The following MALT1 variants were observed in gnomAD, a reference collection of about 807,000 sequenced individuals.
The protein encoded by MALT1 is MALT1 paracaspase.
A neutral mutation model predicts 85.5 loss-of-function variants in MALT1; 36 were observed. The ratio of observed to expected loss-of-function variants is 0.42; its 90% confidence interval spans 0.32 to 0.56. The LOEUF (loss-of-function observed/expected upper bound fraction) is 0.56, where lower values mean the gene tolerates loss of function less well. Ranked by LOEUF, MALT1 falls within the 20% of genes least tolerant of loss-of-function variation. The pLI is 0.10. For missense variants in MALT1, 716 were observed against 981.6 expected (o/e 0.73, Z 3.62); for synonymous variants, 359 against 361.3 (o/e 0.99, Z 0.07).
intron 2 of MALT1, among the ~76,000 whole-genome samples, chr18:58,692,451 T>TCTCTCTCTCTCTCTCC: frequency 8.9e-6 from 1 of 111,926 alleles, no homozygotes; most frequent in South Asian, 3.5e-4. Context: ...TCTCCCTCCC[T>TCTCTCTCTCTCTCTCC]CCCTCCCTCC....
intron 4 of MALT1, among the ~76,000 whole-genome samples, chr18:58,708,562 G>A (rs1027731876): frequency 3.3e-5 from 5 of 152,214 alleles, no homozygotes. Context: ...AGACATTTGT[G>A]TGGGGTGGGA....
At chr18:58,717,898 A>C (rs960477860) in intron 9 of MALT1, among the ~76,000 whole-genome samples, 1 of 149,574 alleles carries the variant, frequency 6.7e-6, no homozygotes, top group South Asian at 2.1e-4. Context: ...GAACAAAGGC[A>C]TAGCCATCAT....
rs2055431461 is a variant in MALT1 at position 58,750,428 on chromosome 18, G to A, written c.*2586G>A. On this transcript the variant is annotated 3_prime_UTR_variant, in exon 17 of 17. Coordinates refer to ENST00000649217, the MANE Select transcript of MALT1 (RefSeq NM_006785.4). ...GTAAAATTGGTAGGGAAACGCAGGG[G>A]ACCCAGAATAGCCAAAAAACCTTGG... The A allele has an allele frequency of 6.6e-6, 1 of 152,190 alleles. No individual in the cohort carries two copies. The highest frequency in any genetic ancestry group is 1.5e-5 in the Non-Finnish European group (1 of 68,080). 9.4% of individuals were successfully genotyped at this position (152,190 alleles called of 1,614,324 possible).
At chr18:58,745,878 T>G (rs1241284345) in intron 16 of MALT1, 87 bp downstream of exon 16, 137 of 1,231,770 alleles carry the variant, frequency 1.1e-4, no homozygotes, top group Non-Finnish European at 1.6e-4. Context: ...ATATGCTGCC[T>G]TATTATTAAA....
At chr18:58,717,089 T>C (rs1201639270) in intron 9 of MALT1, among the ~76,000 whole-genome samples, 3 of 152,168 alleles carry the variant, frequency 2.0e-5, no homozygotes, top group Non-Finnish European at 4.4e-5. Flanking sequence ...AGGCTGGGCA[T>C]GGTGGCTCAC....
chr18:58,723,965 A>G (rs1449737610), intron 10 of MALT1, among the ~76,000 whole-genome samples: 1 of 152,168 alleles, frequency 6.6e-6, no homozygotes, highest in African/African-American at 2.4e-5. Context: ...CCAGCTGTTG[A>G]GCTCATCTGA....
Position 58,684,783 on chromosome 18 carries a change from T to C in MALT1, c.376+3447T>C, listed in dbSNP as rs1317873916. 2.6e-5 allele frequency among the ~76,000 whole-genome samples: 4 copies of C among 152,290 alleles called. No homozygotes were observed. The East Asian group carries it at 7.7e-4, about 29-fold the overall frequency. The stretch of plus-strand genomic sequence containing the variant: ...TTATAGATAGTAGAATAAAGAAATA[T>C]AAGAATTACAGAGAAGAATTTTAAT... On this transcript the variant is annotated intron_variant, in intron 2 of 16. Transcript: ENST00000649217.
intron 16 of MALT1, among the ~76,000 whole-genome samples, chr18:58,746,852 C>T (rs576903417): frequency 2.6e-5 from 4 of 152,138 alleles, no homozygotes; most frequent in East Asian, 3.9e-4. Context: ...CTCAGCCTCC[C>T]GAGTAGCCAG....
At position 58,735,185 on chromosome 18, in the gene MALT1, C is replaced by A; in HGVS notation, c.1476-17C>A. The A allele has an allele frequency of 6.3e-7, 1 of 1,597,544 alleles. No individual in the cohort carries two copies. Among genetic ancestry groups the A allele is most frequent in the African/African-American group, 1.4e-5 (1 of 73,802 alleles). ...TGCCTTTCTGTGCCTGGCTTAACTT[C>A]TTTTTCTATTTTTAAGGTGTCAAGG... On this transcript the variant is annotated splice_polypyrimidine_tract_variant and intron_variant, in intron 12 of 16. Coordinates refer to ENST00000649217, the MANE Select transcript of MALT1 (RefSeq NM_006785.4).
At chr18:58,696,336 AAT>A in intron 2 of MALT1, 28 bp from the exon 3 acceptor site, 11 of 1,166,864 alleles carry the variant, frequency 9.4e-6, no homozygotes, top group Admixed American at 3.6e-5. Context: ...TTGTGACTTT[AAT>A]TTTTTTTTTT....
chr18:58,735,469 T>C, intron 13 of MALT1, 140 bp downstream of exon 13: 1 of 786,788 alleles, frequency 1.3e-6, no homozygotes, highest in Non-Finnish European at 1.9e-6. Flanking sequence ...AAACAATTTT[T>C]ATATTAATAT....
chr18:58,673,094 A>G (rs2054189968), intron 1 of MALT1, among the ~76,000 whole-genome samples: 1 of 152,200 alleles, frequency 6.6e-6, no homozygotes, highest in Non-Finnish European at 1.5e-5. Flanking sequence ...ATTTGTACAC[A>G]TCTTTATAAA....
rs1204784929 is a variant in MALT1, at chr18:58,750,139, T to G, written c.*2297T>G. Reference sequence around the variant, plus strand: ...AAAGTAATAAATGAGTTCAACAGGTTGCAGGATACAAGATCAGTTTTATTT... The same window carrying G: ...AAAGTAATAAATGAGTTCAACAGGTGGCAGGATACAAGATCAGTTTTATTT... On this transcript the variant is annotated 3_prime_UTR_variant, in exon 17 of 17. Transcript: ENST00000649217. The G allele has an allele frequency of 5.5e-6, 1 of 181,544 alleles. No homozygotes were observed. Among genetic ancestry groups the G allele is most frequent in the Admixed American group, 6.3e-5 (1 of 15,958 alleles). 11.2% of individuals were successfully genotyped at this position (181,544 alleles called of 1,614,324 possible).
At chr18:58,714,784 CAA>C (rs2054877474) in intron 8 of MALT1, among the ~76,000 whole-genome samples, 1 of 126,514 alleles carries the variant, frequency 7.9e-6, no homozygotes, top group Non-Finnish European at 1.9e-5. Flanking sequence ...TTCTGAAAGA[CAA>C]TGATGGAACC....
chr18:58,691,159 G>A (rs752905730), intron 2 of MALT1: 56 of 247,876 alleles, frequency 2.3e-4, no homozygotes, highest in Non-Finnish European at 3.5e-4. Context: ...TCATGTTCTC[G>A]AGGCCTTCTG....
At chr18:58,711,197 CAAAGT>C (rs2054826589) in intron 7 of MALT1, among the ~76,000 whole-genome samples, 1 of 152,106 alleles carries the variant, frequency 6.6e-6, no homozygotes, top group Admixed American at 6.5e-5. Context: ...CATATAAGAA[CAAAGT>C]TCCTGCATTG....
intron 4 of MALT1, among the ~76,000 whole-genome samples, chr18:58,709,086 T>C (rs1277271527): frequency 6.6e-6 from 1 of 152,248 alleles, no homozygotes; most frequent in African/African-American, 2.4e-5. Context: ...ACTTGAACTA[T>C]ATTCCTCTCC....
At chr18:58,727,628 G>GTTTTTGTTTT (rs2055080749) in intron 10 of MALT1, among the ~76,000 whole-genome samples, 1 of 130,644 alleles carries the variant, frequency 7.7e-6, no homozygotes, top group African/African-American at 3.0e-5. Flanking sequence ...TTTTTTTTTT[G>GTTTTTGTTTT]TTTTTTTTTT....
intron 3 of MALT1, among the ~76,000 whole-genome samples, chr18:58,699,029 C>A (rs2054634807): frequency 6.6e-6 from 1 of 152,164 alleles, no homozygotes; most frequent in Non-Finnish European, 1.5e-5. Context: ...TAAAGGAAGA[C>A]TGAGAAGACT....
Sources: allele counts gnomAD v4.1 joint callset (sites outside exome capture counted in the v4.1 genomes callset), GRCh38; gene constraint gnomAD v4.1.1; transcripts MANE v1.5; gene names NCBI Gene and HGNC (gene_info 2026-07-23, HGNC 2026-07-21).